RTL4: variants seen among roughly 807,000 people sequenced by gnomAD.
RTL4 encodes the protein retrotransposon Gag-like protein 4.
RTL4 carries 4 observed loss-of-function variants against 5.3 expected under a neutral mutation model. The ratio of observed to expected loss-of-function variants is 0.75; its 90% CI spans 0.37 to 1.72. The LOEUF (loss-of-function observed/expected upper bound fraction) is 1.72. RTL4 is among the 40% of genes most tolerant of loss of function. The pLI, the probability that RTL4 is intolerant of heterozygous loss-of-function variation, is 0.04. For synonymous variants in RTL4, 98 were observed against 87.3 expected (o/e 1.12, Z -0.68); for missense variants, 260 against 227.1 (o/e 1.14, Z -0.93).
At chrX:112,245,162 A>T in the RTL4 span, among the ~76,000 whole-genome samples, 1 of 109,276 alleles carries the variant, frequency 9.2e-6, no homozygotes, top group East Asian at 2.9e-4. Flanking sequence ...TGAATCTGAC[A>T]ATTAGGTGTC....
At chrX:112,145,515 T>C in the RTL4 span, among the ~76,000 whole-genome samples, 2 of 111,903 alleles carry the variant, frequency 1.8e-5, no homozygotes, top group Admixed American at 9.5e-5. Flanking sequence ...AAATATTTGC[T>C]GAGGGTCTAC....
chrX:112,239,196 G>C, the RTL4 span, among the ~76,000 whole-genome samples: 2 of 111,527 alleles, frequency 1.8e-5, no homozygotes, highest in South Asian at 7.6e-4. Context: ...TGTTGGCAGG[G>C]CTGAGCAAGA....
At chrX:112,294,121 T>C in the RTL4 span, among the ~76,000 whole-genome samples, 6 of 112,087 alleles carry the variant, frequency 5.4e-5, no homozygotes, top group Non-Finnish European at 1.1e-4. Flanking sequence ...AACACCTGTG[T>C]GCACATATTT....
At chrX:112,183,843 T>G in the RTL4 span, among the ~76,000 whole-genome samples, 1 of 111,831 alleles carries the variant, frequency 8.9e-6, no homozygotes, top group Non-Finnish European at 1.9e-5. Context: ...TAAGTGTATT[T>G]GTGCCACATT....
At chrX:112,097,164 T>A in the RTL4 span, among the ~76,000 whole-genome samples, 11 of 111,834 alleles carry the variant, frequency 9.8e-5, no homozygotes, top group Admixed American at 1.0e-3. Context: ...TTTACTGGGA[T>A]ATATTAGTGA....
the RTL4 span, among the ~76,000 whole-genome samples, chrX:112,300,728 T>A: frequency 8.9e-6 from 1 of 112,533 alleles, no homozygotes; most frequent in East Asian, 2.8e-4. Flanking sequence ...ATTAATTTTT[T>A]AAAAAACAGA....
the RTL4 span, among the ~76,000 whole-genome samples, chrX:112,163,476 G>A: frequency 9.0e-6 from 1 of 111,624 alleles, no homozygotes; most frequent in Non-Finnish European, 1.9e-5. Flanking sequence ...CCTTACCAGA[G>A]GGATCGTGGG....
the RTL4 span, among the ~76,000 whole-genome samples, chrX:112,126,382 A>G: frequency 8.9e-6 from 1 of 112,338 alleles, no homozygotes; most frequent in African/African-American, 3.2e-5. Flanking sequence ...GAATATCCAC[A>G]AATGAAAACA....
chrX:112,389,115 T>G, the RTL4 span, among the ~76,000 whole-genome samples: 1 of 110,661 alleles, frequency 9.0e-6, no homozygotes, highest in Non-Finnish European at 1.9e-5. Flanking sequence ...TTGTTATTAG[T>G]CTGCTCAGGG....
chrX:112,322,735 A>G, the RTL4 span, among the ~76,000 whole-genome samples: 3 of 111,604 alleles, frequency 2.7e-5, no homozygotes, highest in Non-Finnish European at 3.8e-5. Context: ...TTTCATGCTC[A>G]TACATGTACA....
chrX:112,125,142 G>A, the RTL4 span, among the ~76,000 whole-genome samples: 9 of 107,985 alleles, frequency 8.3e-5, no homozygotes, highest in South Asian at 4.2e-4. Context: ...CTGATCTCAC[G>A]TGATCTGCCC....
the RTL4 span, among the ~76,000 whole-genome samples, chrX:112,083,390 G>A: frequency 8.9e-6 from 1 of 112,887 alleles, no homozygotes; most frequent in African/African-American, 3.2e-5. Context: ...CAGGAGGAAG[G>A]GGAGTTGAAC....
At chrX:112,230,603 C>T in the RTL4 span, among the ~76,000 whole-genome samples, 11 of 112,455 alleles carry the variant, frequency 9.8e-5, 1 homozygote, top group South Asian at 3.7e-3. Flanking sequence ...TCTTCTGCAT[C>T]GCTCACGCTG....
the RTL4 span, among the ~76,000 whole-genome samples, chrX:112,356,759 C>G: frequency 9.0e-6 from 1 of 111,662 alleles, no homozygotes; most frequent in South Asian, 3.7e-4. Flanking sequence ...TGGCCCAACT[C>G]TAGATGACGT....
chrX:112,317,198 G>A, the RTL4 span, among the ~76,000 whole-genome samples: 19 of 111,238 alleles, frequency 1.7e-4, no homozygotes, highest in African/African-American at 6.2e-4. Context: ...AAAATTAACC[G>A]GGCATGGTGG....
chrX:112,123,135 A>T, the RTL4 span, among the ~76,000 whole-genome samples: 2 of 111,947 alleles, frequency 1.8e-5, no homozygotes. Flanking sequence ...CCTGAGACCA[A>T]GAAAGGGTCA....
chrX:112,450,827 A>G (rs184408472), upstream of RTL4, among the ~76,000 whole-genome samples: 119 of 112,114 alleles, frequency 1.1e-3, no homozygotes, highest in African/African-American at 3.5e-3. Context: ...CACATTTCCA[A>G]TCAAAGGACA....
chrX:112,431,713 T>C, the RTL4 span, among the ~76,000 whole-genome samples: 1 of 111,193 alleles, frequency 9.0e-6, no homozygotes, highest in African/African-American at 3.3e-5. Flanking sequence ...TTGTTAGGCC[T>C]GAGTGGTTCT....
the RTL4 span, among the ~76,000 whole-genome samples, chrX:112,301,464 GA>G: frequency 2.0e-5 from 2 of 98,093 alleles, no homozygotes; most frequent in Non-Finnish European, 4.1e-5. Flanking sequence ...TACTAATAAA[GA>G]AAACATATGT....
Sources: gnomAD v4.1 joint callset for allele counts (sites outside exome capture counted in the v4.1 genomes callset) on GRCh38, gnomAD v4.1.1 for gene constraint, MANE v1.5 for transcripts, NCBI Gene and HGNC (gene_info 2026-07-23, HGNC 2026-07-21) for gene names.